FOCAD: variants seen among roughly 807,000 people sequenced by gnomAD.
The protein encoded by FOCAD is focadhesin.
FOCAD carries 198 observed loss-of-function variants against 225.6 expected under a neutral mutation model. The ratio of observed to expected loss-of-function variants is 0.88; its 90% CI spans 0.78 to 0.99. FOCAD has a LOEUF of 0.99. Among genes scored for constraint, FOCAD ranks in the 50% least tolerant of loss-of-function variants. The probability of loss-of-function intolerance (pLI) is 0.00; values close to 1 mark genes in which losing one functional copy is unlikely to be tolerated. For synonymous variants in FOCAD, 897 were observed against 755.0 expected (o/e 1.19, Z -3.08); for missense variants, 2,713 against 2,123.6 (o/e 1.28, Z -5.46).
At chr9:20,747,534 T>A (rs1039361800) in intron 5 of FOCAD, among the ~76,000 whole-genome samples, 1 of 152,154 alleles carries the variant, frequency 6.6e-6, no homozygotes, top group Non-Finnish European at 1.5e-5. Flanking sequence ...AATCACTGTC[T>A]AATTCCAGAA....
At chr9:20,723,150 A>C (rs922597508) in intron 4 of FOCAD, among the ~76,000 whole-genome samples, 1 of 152,232 alleles carries the variant, frequency 6.6e-6, no homozygotes, top group Non-Finnish European at 1.5e-5. Context: ...TCATCTCTGC[A>C]TATTATAATT....
At chr9:20,899,189 C>A (rs1413236072) in intron 21 of FOCAD, among the ~76,000 whole-genome samples, 1 of 151,832 alleles carries the variant, frequency 6.6e-6, no homozygotes, top group Non-Finnish European at 1.5e-5. Context: ...GTGTTTTTCC[C>A]CTCTCCCTGC....
intron 28 of FOCAD, among the ~76,000 whole-genome samples, chr9:20,941,184 G>A (rs1564182634): frequency 6.6e-6 from 1 of 152,240 alleles, no homozygotes; most frequent in Non-Finnish European, 1.5e-5. Flanking sequence ...CATGCTTCCC[G>A]ATTTAATGGA....
At chr9:20,909,933 A>G (rs941301374) in intron 22 of FOCAD, among the ~76,000 whole-genome samples, 14 of 152,092 alleles carry the variant, frequency 9.2e-5, no homozygotes, top group African/African-American at 2.9e-4. Flanking sequence ...ATTAAACTAG[A>G]GGATCATTTA....
intron 2 of FOCAD, among the ~76,000 whole-genome samples, chr9:20,660,880 CAA>C (rs1007884785): frequency 5.3e-5 from 8 of 151,274 alleles, no homozygotes; most frequent in African/African-American, 1.9e-4. Flanking sequence ...GGCAGACAGT[CAA>C]AGAGAAAGAG....
intron 7 of FOCAD, among the ~76,000 whole-genome samples, chr9:20,768,810 C>T (rs140887557): frequency 2.6e-5 from 4 of 151,916 alleles, no homozygotes; most frequent in African/African-American, 4.8e-5. Context: ...ATTTTAATTG[C>T]GACTCTTGTC....
intron 5 of FOCAD, among the ~76,000 whole-genome samples, chr9:20,748,578 A>G (rs1453005805): frequency 6.6e-6 from 1 of 152,170 alleles, no homozygotes; most frequent in Non-Finnish European, 1.5e-5. Flanking sequence ...GAAAGGATGT[A>G]GTCAGATTCA....
chr9:20,875,695 G>A (rs965073298), intron 19 of FOCAD: 1 of 151,902 alleles, frequency 6.6e-6, no homozygotes, highest in African/African-American at 2.4e-5. Context: ...ATTACTATAT[G>A]CCCTACCCAA....
chr9:20,866,092 A>AGTTT (rs1829203994), intron 17 of FOCAD, 116 bp downstream of exon 17: 4 of 837,162 alleles, frequency 4.8e-6, no homozygotes, highest in Non-Finnish European at 7.4e-6. Flanking sequence ...ATGGGTTCCC[A>AGTTT]ATTTTTAAAA....
intron 7 of FOCAD, among the ~76,000 whole-genome samples, chr9:20,765,873 A>G (rs1474335309): frequency 6.6e-6 from 1 of 152,198 alleles, no homozygotes; most frequent in Non-Finnish European, 1.5e-5. Flanking sequence ...GGAATCTGTG[A>G]ACATATTTCA....
intron 4 of FOCAD, among the ~76,000 whole-genome samples, chr9:20,722,283 C>A (rs1001071605): frequency 3.3e-5 from 5 of 151,972 alleles, no homozygotes; most frequent in Admixed American, 2.6e-4. Flanking sequence ...GCCTTCTGTT[C>A]AAGTTATGTT....
At chr9:20,895,449 A>C (rs1325354868) in intron 21 of FOCAD, among the ~76,000 whole-genome samples, 4 of 151,702 alleles carry the variant, frequency 2.6e-5, no homozygotes, top group Non-Finnish European at 4.4e-5. Flanking sequence ...AAATCCATGA[A>C]CCTGGAATAT....
chr9:20,814,745 A>C (rs967157560), intron 11 of FOCAD, among the ~76,000 whole-genome samples: 1 of 152,128 alleles, frequency 6.6e-6, no homozygotes, highest in Non-Finnish European at 1.5e-5. Flanking sequence ...TTTTAAGCTG[A>C]TAACAAGTTA....
chr9:20,804,378 C>G (rs188248292), intron 11 of FOCAD, among the ~76,000 whole-genome samples: 22 of 152,052 alleles, frequency 1.4e-4, no homozygotes, highest in Admixed American at 1.3e-3. Flanking sequence ...ACTCAGTGAA[C>G]ATTTGATGAG....
intron 15 of FOCAD, among the ~76,000 whole-genome samples, chr9:20,845,268 C>T (rs1281593966): frequency 1.3e-5 from 2 of 151,866 alleles, no homozygotes; most frequent in African/African-American, 4.8e-5. Context: ...CAAAAATTTA[C>T]CCATATGTCA....
chr9:20,780,826 G>A (rs995603151), intron 9 of FOCAD, among the ~76,000 whole-genome samples: 8 of 152,102 alleles, frequency 5.3e-5, no homozygotes, highest in African/African-American at 1.7e-4. Context: ...TATGGATTAA[G>A]ACCAATATTT....
intron 6 of FOCAD, among the ~76,000 whole-genome samples, chr9:20,763,550 G>A (rs540967994): frequency 3.7e-4 from 57 of 152,310 alleles, no homozygotes; most frequent in African/African-American, 1.3e-3. Flanking sequence ...GTCAAGGAAG[G>A]ACCTGAGAAA....
At chr9:20,939,943 C>T (rs1291966138) in intron 28 of FOCAD, among the ~76,000 whole-genome samples, 1 of 149,598 alleles carries the variant, frequency 6.7e-6, no homozygotes, top group African/African-American at 2.5e-5. Flanking sequence ...TGATGTTCCC[C>T]ACCCTGTGTC....
intron 15 of FOCAD, among the ~76,000 whole-genome samples, chr9:20,858,639 G>C (rs955808240): frequency 6.6e-6 from 1 of 151,714 alleles, no homozygotes; most frequent in Admixed American, 6.6e-5. Flanking sequence ...ACTAATTTTG[G>C]GTTTGATTTG....
Sources: allele counts gnomAD v4.1 joint callset (sites outside exome capture counted in the v4.1 genomes callset), GRCh38; gene constraint gnomAD v4.1.1; transcripts MANE v1.5; gene names NCBI Gene and HGNC (gene_info 2026-07-23, HGNC 2026-07-21).